The following ACACB variants were observed in gnomAD, a reference collection of about 807,000 sequenced individuals.
ACACB encodes the protein acetyl-CoA carboxylase 2.
ACACB carries 209 observed loss-of-function variants against 278.8 expected under a neutral mutation model. That is an observed-to-expected ratio of 0.75 (90% confidence interval 0.67 to 0.84). The LOEUF (loss-of-function observed/expected upper bound fraction) is 0.84. Among genes scored for constraint, ACACB ranks in the 40% least tolerant of loss-of-function variants. The probability of loss-of-function intolerance (pLI) is 0.00; values close to 1 mark genes in which losing one functional copy is unlikely to be tolerated. For missense variants in ACACB, 2,850 were observed against 3,269.0 expected, an observed-to-expected ratio of 0.87 and a Z score of 3.13; for synonymous variants, 1,174 against 1,285.6, an observed-to-expected ratio of 0.91 and a Z score of 1.86.
At position 109,254,261 on chromosome 12, in the gene ACACB, CAG is replaced by C; in HGVS notation, c.6097_6098del (p.Glu2033AsnfsTer2). The C allele has an allele frequency of 6.2e-7, 1 of 1,613,936 alleles. No individual in the cohort carries two copies. The highest frequency in any genetic ancestry group is 1.3e-5 in the African/African-American group (1 of 75,014). ...PIITPTDPIDREIEFLPSRAP... is the reference protein window; with the variant it reads ...PIITPTDPIDXEIEFLPSRAP... ...TCATCACACCCACTGACCCCATTGA[CAG>C]AGAAATTGAATTCCTCCCATCCAGA... On this transcript the variant is annotated frameshift_variant, in exon 44 of 53. Coordinates refer to ENST00000338432, the MANE Select transcript of ACACB (RefSeq NM_001093.4). LOFTEE classifies it high-confidence loss of function.
chr12:109,223,648 G>C (rs1190827758), intron 26 of ACACB, among the ~76,000 whole-genome samples, 167 bp from the exon 27 acceptor site: 1 of 152,182 alleles, frequency 6.6e-6, no homozygotes, highest in Admixed American at 6.5e-5. Context: ...TGTAGTCCCA[G>C]CTGCTCAAGA....
intron 7 of ACACB, 142 bp downstream of exon 7, chr12:109,174,372 A>G (rs2044215701): frequency 3.1e-6 from 2 of 648,424 alleles, no homozygotes; most frequent in Non-Finnish European, 4.9e-6. Flanking sequence ...CATTAGCAAA[A>G]TATTTTAAAA....
chr12:109,209,144 A>T (rs2045605902), intron 20 of ACACB, 21 bp from the exon 21 acceptor site: 3 of 1,574,362 alleles, frequency 1.9e-6, no homozygotes, highest in Non-Finnish European at 1.7e-6. Flanking sequence ...CTGGGGGCTG[A>T]TGCTGTGGTC....
At chr12:109,210,677 G>A (rs996558630) in intron 21 of ACACB, among the ~76,000 whole-genome samples, 3 of 151,410 alleles carry the variant, frequency 2.0e-5, no homozygotes, top group South Asian at 2.1e-4. Flanking sequence ...CACGTTGGGA[G>A]GCCAGGGCAG....
At chr12:109,203,296 A>G (rs747655875) in intron 19 of ACACB, among the ~76,000 whole-genome samples, 39 of 152,210 alleles carry the variant, frequency 2.6e-4, no homozygotes, top group Non-Finnish European at 3.5e-4. Flanking sequence ...CCTGTTGGCT[A>G]CTGTGAATAA....
At chr12:109,154,078 A>G (rs927879620) in intron 2 of ACACB, among the ~76,000 whole-genome samples, 1 of 152,262 alleles carries the variant, frequency 6.6e-6, no homozygotes, top group East Asian at 1.9e-4. Flanking sequence ...GATAAAAACA[A>G]TAAGATTGCC....
intron 27 of ACACB, among the ~76,000 whole-genome samples, chr12:109,225,414 G>A (rs1266633184): frequency 1.3e-5 from 2 of 152,200 alleles, no homozygotes; most frequent in East Asian, 1.9e-4. Context: ...TGTATATTTA[G>A]TAGAGATGGG....
In ACACB at chr12:109,177,653, C is replaced by T. The variant is rs553201434; in HGVS notation, c.1437+1390C>T. ...TTCACATCTATCCTTCGCCCGGTTT[C>T]ACTCGTTAACATTTTTCATATAACT... On this transcript the variant is annotated intron_variant, in intron 9 of 52. Transcript: ENST00000338432. Among the ~76,000 whole-genome samples, 4 of 152,248 alleles carry T rather than the reference C, an allele frequency of 2.6e-5. No individual in the cohort carries two copies. In the South Asian group the frequency reaches 8.3e-4, roughly 32 times the overall value.
At chr12:109,114,728 T>C (rs1252333715), upstream of ACACB, among the ~76,000 whole-genome samples, 3 of 151,892 alleles carry the variant, frequency 2.0e-5, no homozygotes, top group Non-Finnish European at 4.4e-5. Context: ...GGTGTGTGCC[T>C]GTAGTTCTAG....
intron 6 of ACACB, among the ~76,000 whole-genome samples, chr12:109,173,346 A>C (rs1183313591): frequency 1.3e-5 from 2 of 152,242 alleles, no homozygotes; most frequent in African/African-American, 2.4e-5. Flanking sequence ...ACTATCATGT[A>C]ATAAATCCCT....
At chr12:109,133,051 GTAGT>G (rs757555355) in intron 1 of ACACB, among the ~76,000 whole-genome samples, 5 of 151,970 alleles carry the variant, frequency 3.3e-5, no homozygotes, top group Admixed American at 2.0e-4. Flanking sequence ...CCTTCTATCC[GTAGT>G]TAATCAGCCA....
chr12:109,265,860 C>T (rs2047505100), intron 52 of ACACB, among the ~76,000 whole-genome samples: 2 of 152,288 alleles, frequency 1.3e-5, no homozygotes, highest in South Asian at 4.1e-4. Context: ...CGCTAGCCTT[C>T]AGGCTGCTGT....
At chr12:109,215,079 G>T (rs1356483601) in intron 22 of ACACB, among the ~76,000 whole-genome samples, 5 of 148,934 alleles carry the variant, frequency 3.4e-5, no homozygotes, top group Non-Finnish European at 7.4e-5. Context: ...CTGGGTGGCA[G>T]AACAAAACCT....
Position 109,246,174 on chromosome 12 carries a change from G to A in ACACB, c.5302-5G>A. 1.2e-6 allele frequency: 2 copies of A among 1,606,788 alleles called. No homozygotes were observed. Among genetic ancestry groups the A allele is most frequent in the Non-Finnish European group, 1.7e-6 (2 of 1,174,130 alleles). ...ATTTTCCTTGTGCATTCATCCCCTTGCCAGGTGGGCATGGTGGCCTTCAAA... is the reference window on the plus strand; with the variant it reads ...ATTTTCCTTGTGCATTCATCCCCTTACCAGGTGGGCATGGTGGCCTTCAAA... On this transcript the variant is annotated splice_region_variant and splice_polypyrimidine_tract_variant and intron_variant, in intron 38 of 52. Transcript: ENST00000338432.
At chr12:109,258,640 G>A (rs538542329) in intron 46 of ACACB, among the ~76,000 whole-genome samples, 15 of 152,290 alleles carry the variant, frequency 9.8e-5, no homozygotes, top group East Asian at 3.9e-4. Flanking sequence ...CTGTTTCTGC[G>A]CTAGGCCAGG....
At chr12:109,234,259 A>G (rs1002822390) in intron 31 of ACACB, among the ~76,000 whole-genome samples, 7 of 152,200 alleles carry the variant, frequency 4.6e-5, no homozygotes, top group East Asian at 1.9e-4. Flanking sequence ...CGGTGTTGCA[A>G]TGATTCAATG....
At chr12:109,228,335 C>CCA (rs2046374973) in intron 28 of ACACB, among the ~76,000 whole-genome samples, 1 of 126,070 alleles carries the variant, frequency 7.9e-6, no homozygotes, top group East Asian at 2.2e-4. Context: ...GAGTCCATCT[C>CCA]AAAAAAAAAA....
At chr12:109,194,918 G>T (rs2045060428) in intron 16 of ACACB, among the ~76,000 whole-genome samples, 1 of 152,118 alleles carries the variant, frequency 6.6e-6, no homozygotes, top group East Asian at 1.9e-4. Flanking sequence ...GGCTGGTTTT[G>T]TTCTCTGTCT....
At chr12:109,228,892 C>T (rs944057290) in intron 28 of ACACB, among the ~76,000 whole-genome samples, 4 of 152,140 alleles carry the variant, frequency 2.6e-5, no homozygotes, top group African/African-American at 7.2e-5. Context: ...TCATGACTAA[C>T]GCTGTTATTA....
Sources: gnomAD v4.1 joint callset for allele counts (sites outside exome capture counted in the v4.1 genomes callset) on GRCh38, gnomAD v4.1.1 for gene constraint, MANE v1.5 for transcripts, NCBI Gene and HGNC (gene_info 2026-07-23, HGNC 2026-07-21) for gene names.